Variants in CHD1L observed in about 807,000 individuals in gnomAD.
CHD1L encodes chromodomain helicase DNA binding protein 1 like.
CHD1L carries 118 observed loss-of-function variants against 115.9 expected under a neutral mutation model. That is an observed-to-expected ratio of 1.02 (90% CI 0.88 to 1.19). The LOEUF (loss-of-function observed/expected upper bound fraction) is 1.19, where lower values mean the gene tolerates loss of function less well. CHD1L is among the 50% of genes most tolerant of loss of function. CHD1L has a pLI of 0.00. For missense variants in CHD1L, 1,179 were observed against 1,065.3 expected (o/e 1.11, Z -1.49); for synonymous variants, 411 against 387.1 (o/e 1.06, Z -0.72).
chr1:147,223,147 A>C, the CHD1L span, among the ~76,000 whole-genome samples: 1 of 152,206 alleles, frequency 6.6e-6, no homozygotes. Flanking sequence ...CTAGTAGGTG[A>C]CAGAAATAAG....
chr1:147,216,293 T>A, the CHD1L span, among the ~76,000 whole-genome samples: 1 of 152,170 alleles, frequency 6.6e-6, no homozygotes, highest in African/African-American at 2.4e-5. Context: ...AAGTCCAGCC[T>A]CACCACATGA....
At chr1:147,203,438 C>G in the CHD1L span, 9 of 843,548 alleles carry the variant, frequency 1.1e-5, no homozygotes, top group Non-Finnish European at 1.9e-5. Flanking sequence ...AGAACACCAG[C>G]TTCCAACATG....
the CHD1L span, among the ~76,000 whole-genome samples, chr1:147,216,209 C>G: frequency 6.6e-6 from 1 of 152,174 alleles, no homozygotes; most frequent in Non-Finnish European, 1.5e-5. Context: ...GCCTGGGTCT[C>G]AGAAAGCTCG....
chr1:147,265,579 CACTTA>C (rs1156964308), intron 7 of CHD1L, among the ~76,000 whole-genome samples: 5 of 152,190 alleles, frequency 3.3e-5, no homozygotes, highest in African/African-American at 1.2e-4. Flanking sequence ...TTCTGAGCCT[CACTTA>C]ACTTAGCTAT....
intron 20 of CHD1L, among the ~76,000 whole-genome samples, chr1:147,292,039 T>C (rs587656547): frequency 1.3e-5 from 2 of 152,232 alleles, no homozygotes; most frequent in South Asian, 4.1e-4. Flanking sequence ...GGCCATAGTC[T>C]CCACTGTACT....
At chr1:147,242,450 G>A (rs958448168), upstream of CHD1L, among the ~76,000 whole-genome samples, 1 of 152,246 alleles carries the variant, frequency 6.6e-6, no homozygotes, top group Non-Finnish European at 1.5e-5. Flanking sequence ...CGTCCTGTGC[G>A]TGATCAGACG....
rs782567707 is a variant in CHD1L at position 147,280,006 on chromosome 1, T to C, written c.1540-20T>C. The C allele has an allele frequency of 1.1e-5, 18 of 1,613,154 alleles. No individual in the cohort carries two copies. Among genetic ancestry groups the C allele is most frequent in the Non-Finnish European group, 1.5e-5 (18 of 1,179,926 alleles). The stretch of plus-strand genomic sequence containing the variant: ...CTTTTCATGAGAATTTGCTGGACTT[T>C]TTTGTTTCCTCTATTCAAGTTGAGT... On this transcript the variant is annotated intron_variant, in intron 14 of 22. Coordinates refer to ENST00000369258, the MANE Select transcript of CHD1L (RefSeq NM_004284.6).
At chr1:147,280,877 A>G (rs1169137656) in intron 15 of CHD1L, among the ~76,000 whole-genome samples, 1 of 152,204 alleles carries the variant, frequency 6.6e-6, no homozygotes, top group East Asian at 1.9e-4. Flanking sequence ...GAGATTCAAT[A>G]TGGACTGGGG....
chr1:147,274,070 TTATAG>T (rs1335543429), intron 12 of CHD1L, among the ~76,000 whole-genome samples: 11 of 152,198 alleles, frequency 7.2e-5, no homozygotes, highest in Non-Finnish European at 1.5e-4. Context: ...CTGAAAAGTA[TTATAG>T]TATAGTGGAT....
the CHD1L span, chr1:147,208,902 C>CT: frequency 3.1e-6 from 5 of 1,614,110 alleles, no homozygotes; most frequent in Admixed American, 5.0e-5. Flanking sequence ...TTTGGTTTAT[C>CT]TTTTTTTCCA....
At chr1:147,235,844 G>A in the CHD1L span, among the ~76,000 whole-genome samples, 47 of 152,278 alleles carry the variant, frequency 3.1e-4, no homozygotes, top group South Asian at 8.9e-3. Context: ...ATATTGTCAC[G>A]GGATTCTTGG....
At chr1:147,243,460 G>A (rs1665520446) in intron 1 of CHD1L, among the ~76,000 whole-genome samples, 1 of 151,926 alleles carries the variant, frequency 6.6e-6, no homozygotes, top group Admixed American at 6.6e-5. Flanking sequence ...GCTCACCACC[G>A]CACGTAACTC....
chr1:147,232,626 G>C, the CHD1L span, among the ~76,000 whole-genome samples: 5 of 151,610 alleles, frequency 3.3e-5, no homozygotes, highest in Admixed American at 3.3e-4. Context: ...AGCCTGCCGA[G>C]TGCCTGCGAT....
In CHD1L at chr1:147,286,431, A is replaced by G. The variant is rs1025544408; in HGVS notation, c.2152A>G (p.Lys718Glu). The G allele has an allele frequency of 1.6e-5, 26 of 1,614,142 alleles. No homozygotes were observed. The highest frequency in any genetic ancestry group is 2.2e-5 in the Non-Finnish European group (26 of 1,180,026). Residue 718 changes from lysine (K) to glutamate (E), a missense_variant, in exon 18 of 23, where the codon AAG becomes GAG. Lys to Glu is a moderately conservative substitution (Grantham distance 56, BLOSUM62 1). Coordinates refer to ENST00000369258, the MANE Select transcript of CHD1L (RefSeq NM_004284.6). ...DYQDPDATSL[K>E]YVSGDVTHPQ... The stretch of plus-strand genomic sequence containing the variant: ...CCAAGACCCAGATGCTACTTCCCTC[A>G]AGTACGTTAGTGGTGATGTCACCCA...
chr1:147,246,760 C>G lies in CHD1L; in HGVS notation c.127+3930C>G, dbSNP rs142516879. 4.6e-5 allele frequency among the ~76,000 whole-genome samples: 7 copies of G among 152,224 alleles called. No individual in the cohort carries two copies. In the East Asian group the frequency reaches 1.3e-3, roughly 29 times the overall value. On this transcript the variant is annotated intron_variant, in intron 1 of 22. Coordinates refer to ENST00000369258, the MANE Select transcript of CHD1L (RefSeq NM_004284.6). Reference sequence around the variant, plus strand: ...TTTTTCACTGTTGAGTTTTGACATACTCTAGTCTTTATATAATCTAGATAC... The same window carrying G: ...TTTTTCACTGTTGAGTTTTGACATAGTCTAGTCTTTATATAATCTAGATAC...
Position 147,268,791 on chromosome 1 carries a change from C to G in CHD1L, c.998C>G (p.Pro333Arg), listed in dbSNP as rs782811744. ...GTTCTTTCTTTTCTAGGTGTGGAGC[C>G]GGAGCCTTTTGAAGTTGGAGACCAC... ...DHPYLFDGVEPEPFEVGDHLT... is the reference protein window; with the variant it reads ...DHPYLFDGVEREPFEVGDHLT... The change falls in exon 10 of 23, where the codon CCG (proline) becomes CGG (arginine). Residue 333 changes from proline (P) to arginine (R), a missense_variant. Pro to Arg is a moderately radical substitution (Grantham distance 103). Coordinates refer to ENST00000369258, the MANE Select transcript of CHD1L (RefSeq NM_004284.6). The G allele has an allele frequency of 5.0e-6, 8 of 1,612,962 alleles. No homozygotes were observed. Among genetic ancestry groups the G allele is most frequent in the Non-Finnish European group, 6.8e-6 (8 of 1,179,418 alleles).
intron 22 of CHD1L, among the ~76,000 whole-genome samples, 184 bp downstream of exon 22, chr1:147,294,701 A>C (rs1457241191): frequency 6.6e-6 from 1 of 152,206 alleles, no homozygotes; most frequent in African/African-American, 2.4e-5. Flanking sequence ...TGTACACCCA[A>C]CAGGATCAAC....
chr1:147,215,914 A>G, the CHD1L span: 2 of 1,609,268 alleles, frequency 1.2e-6, no homozygotes, highest in Admixed American at 1.7e-5. Context: ...TGATTTGTAA[A>G]TACTGGCCCT....
At chr1:147,277,924 A>G (rs1041186332) in intron 14 of CHD1L, among the ~76,000 whole-genome samples, 3 of 152,082 alleles carry the variant, frequency 2.0e-5, no homozygotes, top group Non-Finnish European at 4.4e-5. Context: ...CAGGGGTCCA[A>G]TGAGGGGTAT....
Sources: gnomAD v4.1 joint callset for allele counts (sites outside exome capture counted in the v4.1 genomes callset) on GRCh38, gnomAD v4.1.1 for gene constraint, MANE v1.5 for transcripts, NCBI Gene and HGNC (gene_info 2026-07-23, HGNC 2026-07-21) for gene names.